The following NKAIN3 variants were observed in gnomAD, a reference collection of about 807,000 sequenced individuals.
NKAIN3 encodes the protein sodium/potassium transporting ATPase interacting 3, also known as sodium/potassium-transporting ATPase subunit beta-1-interacting protein 3.
Under a neutral mutation model 30.2 loss-of-function variants are expected in NKAIN3, and 25 were observed. The observed-to-expected ratio is 0.83, with a 90% CI of 0.60 to 1.16. The LOEUF is 1.16. Ranked by LOEUF, NKAIN3 falls within the 50% of genes most tolerant of loss-of-function variation. The pLI is 0.00. For synonymous variants in NKAIN3, 91 were observed against 89.6 expected, an observed-to-expected ratio of 1.02 and a Z score of -0.09; for missense variants, 225 against 254.1, an observed-to-expected ratio of 0.89 and a Z score of 0.78.
At chr8:62,813,097 AG>A (rs1265247143) in intron 4 of NKAIN3, among the ~76,000 whole-genome samples, 1 of 151,964 alleles carries the variant, frequency 6.6e-6, no homozygotes, top group African/African-American at 2.4e-5. Context: ...TTTATTAAAA[AG>A]GGTGTGTCCT....
chr8:62,891,060 C>G (rs1342952074), intron 4 of NKAIN3, among the ~76,000 whole-genome samples: 1 of 152,146 alleles, frequency 6.6e-6, no homozygotes, highest in Non-Finnish European at 1.5e-5. Flanking sequence ...TTAATATTGT[C>G]AACTTGATTG....
At chr8:62,929,337 C>T (rs1042098120) in intron 5 of NKAIN3, among the ~76,000 whole-genome samples, 17 of 152,140 alleles carry the variant, frequency 1.1e-4, no homozygotes, top group Non-Finnish European at 2.2e-4. Flanking sequence ...ACTGTGTTTT[C>T]GTATGCTGTG....
At chr8:62,719,845 C>T (rs1815031780) in intron 3 of NKAIN3, among the ~76,000 whole-genome samples, 1 of 149,532 alleles carries the variant, frequency 6.7e-6, no homozygotes, top group Non-Finnish European at 1.5e-5. Flanking sequence ...CAAGCTCCGC[C>T]TCCCAGGTTC....
chr8:62,947,560 A>G (rs922518813), intron 5 of NKAIN3, among the ~76,000 whole-genome samples: 4 of 152,198 alleles, frequency 2.6e-5, no homozygotes, highest in African/African-American at 9.7e-5. Context: ...AGAAGTGGGG[A>G]GTTGCTGTTC....
intron 3 of NKAIN3, among the ~76,000 whole-genome samples, chr8:62,638,843 T>C (rs1227406137): frequency 6.6e-6 from 1 of 152,138 alleles, no homozygotes; most frequent in Non-Finnish European, 1.5e-5. Context: ...TAATCCCAAA[T>C]GTTCACAAAA....
In NKAIN3 at chr8:62,589,219, C is replaced by A. The variant is rs543706251; in HGVS notation, c.193-495C>A. 4.6e-5 allele frequency among the ~76,000 whole-genome samples: 7 copies of A among 151,814 alleles called. No homozygotes were observed. The East Asian group carries it at 1.4e-3, about 29-fold the overall frequency. On this transcript the variant is annotated intron_variant, in intron 2 of 6. Transcript: ENST00000623646. ...TTATTATATGATCATATTAGAGGCA[C>A]ACATTCTACTAATAAAATAGTCCAA...
chr8:62,520,319 G>A (rs1563437497), intron 1 of NKAIN3, among the ~76,000 whole-genome samples: 1 of 151,912 alleles, frequency 6.6e-6, no homozygotes, highest in East Asian at 1.9e-4. Context: ...ACCGATTAAA[G>A]GATTCTTTTC....
chr8:62,671,862 A>G (rs1442463781), intron 3 of NKAIN3, among the ~76,000 whole-genome samples: 1 of 152,068 alleles, frequency 6.6e-6, no homozygotes, highest in Non-Finnish European at 1.5e-5. Context: ...TGTCATACCC[A>G]CATATCATCT....
At chr8:62,630,231 TC>T (rs1447010944) in intron 3 of NKAIN3, among the ~76,000 whole-genome samples, 3 of 152,124 alleles carry the variant, frequency 2.0e-5, no homozygotes, top group Admixed American at 2.0e-4. Context: ...GTGGAATGCA[TC>T]CCCTGCAGAT....
intron 3 of NKAIN3, among the ~76,000 whole-genome samples, chr8:62,600,410 G>A (rs1263827948): frequency 1.3e-5 from 2 of 152,002 alleles, no homozygotes; most frequent in Admixed American, 6.6e-5. Context: ...TTCCTACACA[G>A]CACAGGGGCT....
At chr8:62,262,069 A>C (rs888924187) in intron 1 of NKAIN3, among the ~76,000 whole-genome samples, 1 of 152,190 alleles carries the variant, frequency 6.6e-6, no homozygotes, top group Admixed American at 6.6e-5. Context: ...GCTTAGGTCA[A>C]ACCTGTTGTG....
chr8:62,707,046 C>T lies in NKAIN3; in HGVS notation c.274-39886C>T, dbSNP rs192534875. Among the ~76,000 whole-genome samples, 368 of 116,184 alleles carry T rather than the reference C, an allele frequency of 3.2e-3. 3 individuals are homozygous for T. Among genetic ancestry groups the T allele is most frequent in the African/African-American group, 0.013 (346 of 27,144 alleles). The allele number at this position is 116,184 out of a possible 152,430, so 76.2% of individuals were successfully genotyped here. A position where few individuals can be genotyped will look rare whatever the true frequency, so the allele number is the denominator to read the frequency against. On this transcript the variant is annotated intron_variant, in intron 3 of 6. Coordinates refer to ENST00000623646, the MANE Select transcript of NKAIN3 (RefSeq NM_001304533.3). ...TTTTTATGGCTGCATAGTATTCCAT[C>T]ATACATACATACACACACACACACA...
intron 3 of NKAIN3, among the ~76,000 whole-genome samples, chr8:62,680,553 G>A (rs769579958): frequency 6.6e-6 from 1 of 152,064 alleles, no homozygotes; most frequent in African/African-American, 2.4e-5. Flanking sequence ...TCAAGATACT[G>A]GGAAATTTAG....
At chr8:62,556,897 G>T (rs1433738986) in intron 1 of NKAIN3, among the ~76,000 whole-genome samples, 1 of 151,918 alleles carries the variant, frequency 6.6e-6, no homozygotes, top group African/African-American at 2.4e-5. Context: ...GTATGTAAAA[G>T]ATATATTTAT....
rs573043775 is a variant in NKAIN3, at chr8:62,404,733, A to T, written c.54+155606A>T. ...CTTATAGCAGTGTGAGTATGGATTAATACAGTGCTATACCCTACTGTGCCT... is the reference window on the plus strand; with the variant it reads ...CTTATAGCAGTGTGAGTATGGATTATTACAGTGCTATACCCTACTGTGCCT... On this transcript the variant is annotated intron_variant, in intron 1 of 6. Transcript: ENST00000623646. Among the ~76,000 whole-genome samples, 7 of 152,270 alleles carry T rather than the reference A, an allele frequency of 4.6e-5. No homozygotes were observed. The East Asian group carries it at 1.4e-3, about 29-fold the overall frequency.
intron 1 of NKAIN3, among the ~76,000 whole-genome samples, chr8:62,419,604 C>A (rs1344236398): frequency 6.6e-6 from 1 of 152,122 alleles, no homozygotes; most frequent in Non-Finnish European, 1.5e-5. Context: ...ATAGATAAAT[C>A]TTGTAGAGAA....
chr8:62,427,767 A>G (rs1450808222), intron 1 of NKAIN3, among the ~76,000 whole-genome samples: 2 of 151,992 alleles, frequency 1.3e-5, no homozygotes, highest in African/African-American at 4.8e-5. Flanking sequence ...TTCTATAAGC[A>G]TACCATGTGT....
intron 1 of NKAIN3, among the ~76,000 whole-genome samples, chr8:62,317,623 C>T (rs1242096737): frequency 6.6e-6 from 1 of 152,134 alleles, no homozygotes; most frequent in Non-Finnish European, 1.5e-5. Context: ...CTGTTCTGTT[C>T]CATTCATCTA....
intron 5 of NKAIN3, among the ~76,000 whole-genome samples, chr8:62,993,168 C>G (rs1264827175): frequency 6.6e-6 from 1 of 152,128 alleles, no homozygotes; most frequent in Non-Finnish European, 1.5e-5. Flanking sequence ...GCCCACATTC[C>G]TCAGGCCAGA....
Sources: gnomAD v4.1 joint callset for allele counts (sites outside exome capture counted in the v4.1 genomes callset) on GRCh38, gnomAD v4.1.1 for gene constraint, MANE v1.5 for transcripts, NCBI Gene and HGNC (gene_info 2026-07-23, HGNC 2026-07-21) for gene names.